The following SHC3 variants were observed in gnomAD, a reference collection of about 807,000 sequenced individuals.
SHC3 encodes SHC-transforming protein 3.
A neutral mutation model predicts 60.4 loss-of-function variants in SHC3; 15 were observed. The ratio of observed to expected loss-of-function variants is 0.25; its 90% CI spans 0.17 to 0.38. The LOEUF is 0.38. SHC3 is among the 10% of genes least tolerant of loss of function. The pLI is 1.00. For synonymous variants in SHC3, 294 were observed against 325.9 expected, an observed-to-expected ratio of 0.90 and a Z score of 1.05; for missense variants, 677 against 786.1, an observed-to-expected ratio of 0.86 and a Z score of 1.66.
chr9:89,155,043 C>T (rs528992529), intron 1 of SHC3, among the ~76,000 whole-genome samples: 1 of 152,260 alleles, frequency 6.6e-6, no homozygotes, highest in African/African-American at 2.4e-5. Context: ...TTAGAAAATT[C>T]GTTATCTACC....
At chr9:89,175,656 GA>G (rs1478178195) in intron 1 of SHC3, among the ~76,000 whole-genome samples, 1 of 151,990 alleles carries the variant, frequency 6.6e-6, no homozygotes, top group African/African-American at 2.4e-5. Context: ...TTTTAATTTA[GA>G]AAAAAATTAT....
intron 2 of SHC3, among the ~76,000 whole-genome samples, 177 bp from the exon 3 acceptor site, chr9:89,078,080 GC>G (rs59836140): frequency 0.072 from 10,913 of 151,982 alleles, 1,259 homozygotes; most frequent in African/African-American, 0.25. Flanking sequence ...TAAACAAAAC[GC>G]AAACAGGTCA....
chr9:89,043,279 A>G (rs1033610486), intron 9 of SHC3, among the ~76,000 whole-genome samples: 3 of 152,188 alleles, frequency 2.0e-5, no homozygotes, highest in Non-Finnish European at 4.4e-5. Flanking sequence ...GCTGGGGAGC[A>G]CCACCTGCAA....
At chr9:89,066,169 C>A (rs1169063137) in intron 5 of SHC3, among the ~76,000 whole-genome samples, 1 of 152,058 alleles carries the variant, frequency 6.6e-6, no homozygotes, top group African/African-American at 2.4e-5. Context: ...TAAGCCATAC[C>A]CCCGAGTTTC....
At position 89,071,703 on chromosome 9, in the gene SHC3, TAATGAAG is replaced by T. The variant is rs1203015030; in HGVS notation, c.730-458_730-452del. Among the ~76,000 whole-genome samples, 689 of 152,328 alleles carry T rather than the reference TAATGAAG, an allele frequency of 4.5e-3. 3 individuals are homozygous for T. Among genetic ancestry groups the T allele is most frequent in the Admixed American group, 9.0e-3 (138 of 15,304 alleles). On this transcript the variant is annotated intron_variant, in intron 4 of 11. Transcript: ENST00000375835. ...AACAGGTACCAGATGTTTGCCTAAT[TAATGAAG>T]ATGGCACCCAACAAGATAAGGACAT...
At chr9:89,096,503 T>G (rs1825703646) in intron 2 of SHC3, among the ~76,000 whole-genome samples, 1 of 152,194 alleles carries the variant, frequency 6.6e-6, no homozygotes, top group Admixed American at 6.5e-5. Flanking sequence ...ATATTACTCA[T>G]AAGAGGAAAA....
intron 1 of SHC3, among the ~76,000 whole-genome samples, chr9:89,124,431 A>T (rs1055100287): frequency 2.0e-5 from 3 of 152,226 alleles, no homozygotes; most frequent in Middle Eastern, 3.2e-3. Flanking sequence ...AAGACTTGGA[A>T]CCAACCCAAA....
chr9:89,154,689 GACCTAGAAC>G (rs1232179529), intron 1 of SHC3, among the ~76,000 whole-genome samples: 4 of 152,146 alleles, frequency 2.6e-5, no homozygotes, highest in Non-Finnish European at 4.4e-5. Context: ...TTCATCAAAA[GACCTAGAAC>G]GCCTTTGTAA....
chr9:89,041,298 A>G (rs1331974398), intron 10 of SHC3, among the ~76,000 whole-genome samples: 1 of 152,376 alleles, frequency 6.6e-6, no homozygotes, highest in East Asian at 1.9e-4. Context: ...ACATCCCACT[A>G]TAATGCTATC....
intron 11 of SHC3, chr9:89,037,645 T>C (rs1587687939): frequency 3.0e-6 from 2 of 659,428 alleles, no homozygotes; most frequent in South Asian, 1.8e-5. Flanking sequence ...TCAAGATAAA[T>C]ATTAAAAGCC....
intron 1 of SHC3, among the ~76,000 whole-genome samples, chr9:89,142,838 T>A (rs989034300): frequency 6.6e-6 from 1 of 152,106 alleles, no homozygotes; most frequent in African/African-American, 2.4e-5. Flanking sequence ...ATAATTTTCC[T>A]TCGGGTCGAG....
chr9:89,151,081 T>G (rs79136510), intron 1 of SHC3, among the ~76,000 whole-genome samples: 1,737 of 151,950 alleles, frequency 0.011, 32 homozygotes, highest in African/African-American at 0.037. Flanking sequence ...TGCAGTGCTG[T>G]GGTCACTGCT....
intron 1 of SHC3, among the ~76,000 whole-genome samples, chr9:89,134,961 C>A (rs984712318): frequency 2.0e-5 from 3 of 152,042 alleles, no homozygotes; most frequent in African/African-American, 7.2e-5. Flanking sequence ...GTATTTACAG[C>A]CTTTAGCAAT....
intron 11 of SHC3, among the ~76,000 whole-genome samples, chr9:89,019,487 G>A (rs1587676520): frequency 6.6e-6 from 1 of 152,152 alleles, no homozygotes; most frequent in African/African-American, 2.4e-5. Flanking sequence ...TTCACAGATG[G>A]CATGATTGTC....
At chr9:89,060,054 A>G (rs1187610058) in intron 6 of SHC3, among the ~76,000 whole-genome samples, 1 of 146,456 alleles carries the variant, frequency 6.8e-6, no homozygotes, top group East Asian at 2.1e-4. Flanking sequence ...GTGGTGGAGG[A>G]CATGGTAGAT....
At chr9:89,053,579 T>G (rs1587698033) in intron 6 of SHC3, among the ~76,000 whole-genome samples, 2 of 152,152 alleles carry the variant, frequency 1.3e-5, no homozygotes, top group Non-Finnish European at 2.9e-5. Context: ...GAAATGTATT[T>G]CCTCGGAAGA....
rs1825999657 is a variant in SHC3, at chr9:89,010,401, G to C, written c.*3046C>G. The C allele has an allele frequency of 6.6e-6, 1 of 152,252 alleles. No individual in the cohort carries two copies. The highest frequency in any genetic ancestry group is 1.5e-5 in the Non-Finnish European group (1 of 68,046). The allele number at this position is 152,252 out of a possible 1,614,324, so 9.4% of individuals were successfully genotyped here. On this transcript the variant is annotated 3_prime_UTR_variant, in exon 12 of 12. Transcript: ENST00000375835. ...AATGAGCACCCCCATGAGAGGCCCA[G>C]CCGGCCTCCGTGGGACAGAGATGTC...
At chr9:89,077,818 C>T in intron 3 of SHC3, 22 bp downstream of exon 3, 1 of 1,614,080 alleles carries the variant, frequency 6.2e-7, no homozygotes, top group Non-Finnish European at 8.5e-7. Flanking sequence ...CACAGTTAGA[C>T]ACAGAGCATT....
chr9:89,157,418 G>C (rs562500766), intron 1 of SHC3, among the ~76,000 whole-genome samples: 1 of 152,150 alleles, frequency 6.6e-6, no homozygotes, highest in African/African-American at 2.4e-5. Context: ...GACTCTCCCC[G>C]GAAGCCTCCA....
Sources: allele counts gnomAD v4.1 joint callset (sites outside exome capture counted in the v4.1 genomes callset), GRCh38; gene constraint gnomAD v4.1.1; transcripts MANE v1.5; gene names NCBI Gene and HGNC (gene_info 2026-07-23, HGNC 2026-07-21).